Variants in CRYBG3 observed in about 807,000 individuals in gnomAD.
CRYBG3 encodes very large A-kinase anchor protein.
In CRYBG3, 127 loss-of-function variants were observed where a neutral mutation model predicts 244.2. That is an observed-to-expected ratio of 0.52 (90% CI 0.45 to 0.60). CRYBG3 has a LOEUF of 0.60. Among genes scored for constraint, CRYBG3 ranks in the 20% least tolerant of loss-of-function variants. The pLI is 0.00. For synonymous variants in CRYBG3, 1,132 were observed against 1,195.8 expected (o/e 0.95, Z 1.10); for missense variants, 3,325 against 3,442.5 (o/e 0.97, Z 0.85).
Position 97,863,136 on chromosome 3 carries a change from T to C in CRYBG3, c.217-1081T>C, listed in dbSNP as rs149867479. Among the ~76,000 whole-genome samples, 278 of 152,292 alleles carry C rather than the reference T, an allele frequency of 1.8e-3. 1 individual carries two copies. Among genetic ancestry groups the C allele is most frequent in the Middle Eastern group, 6.8e-3 (2 of 294 alleles). ...AACCTAAAGTGCCCTAAGGTGGTTT[T>C]GCCTTGGTGTCCTGATTGTTTTCTG... On this transcript the variant is annotated intron_variant, in intron 2 of 21. Coordinates refer to ENST00000389622, the MANE Select transcript of CRYBG3 (RefSeq NM_153605.4).
At chr3:97,868,539 T>C (rs1158949486) in intron 3 of CRYBG3, among the ~76,000 whole-genome samples, 5 of 152,184 alleles carry the variant, frequency 3.3e-5, no homozygotes, top group Admixed American at 1.3e-4. Flanking sequence ...ATTACAAGTA[T>C]ATAATATTTC....
At chr3:97,918,613 T>A (rs527750814) in intron 17 of CRYBG3, among the ~76,000 whole-genome samples, 3 of 152,192 alleles carry the variant, frequency 2.0e-5, no homozygotes, top group Non-Finnish European at 4.4e-5. Context: ...AATAATATCA[T>A]GTATTAGCTT....
intron 1 of CRYBG3, among the ~76,000 whole-genome samples, chr3:97,836,528 G>C (rs1384538982): frequency 6.6e-6 from 1 of 152,118 alleles, no homozygotes; most frequent in Non-Finnish European, 1.5e-5. Flanking sequence ...TGGGACTCCA[G>C]GCCAGTGCAC....
Position 97,877,960 on chromosome 3 carries a change from G to C in CRYBG3, c.6766G>C (p.Gly2256Arg), listed in dbSNP as rs1261472063. The C allele has an allele frequency of 3.7e-6, 6 of 1,614,090 alleles. No individual in the cohort carries two copies. Among genetic ancestry groups the C allele is most frequent in the Non-Finnish European group, 5.1e-6 (6 of 1,179,996 alleles). The change falls in exon 4 of 22, where the codon GGT (glycine) becomes CGT (arginine). Residue 2256 changes from glycine (G) to arginine (R), a missense_variant. This residue lies in a region of CRYBG3 where 450 missense variants were observed against 424.1 expected (regional missense o/e 1.06). Coordinates refer to ENST00000389622, the MANE Select transcript of CRYBG3 (RefSeq NM_153605.4). ...TTCCTCAGAAAAAGGAGCCAGATTT[G>C]GTGGAATTTTTCAGGAACCAGTGTC... ...SHSSEKGARF[G>R]GIFQEPVSKY...
In CRYBG3 at chr3:97,877,724, A is replaced by G; in HGVS notation, c.6530A>G (p.Asp2177Gly). 1 of 1,614,076 alleles carries G rather than the reference A, an allele frequency of 6.2e-7. No homozygotes were observed. ...GAGCGTGTTACCTTCCAGTTGCCAG[A>G]TCCTTCCATCACATTTTACCCTGAT... is the stretch of plus-strand genomic sequence containing the variant. Reference protein sequence around the residue: ...SGERVTFQLPDPSITFYPDDQ... With the variant: ...SGERVTFQLPGPSITFYPDDQ... Residue 2177 changes from aspartate to glycine, a missense_variant, in exon 4 of 22, where the codon GAT becomes GGT. Physicochemically the swap from Asp to Gly is moderately conservative, Grantham distance 94. Coordinates refer to ENST00000389622, the MANE Select transcript of CRYBG3 (RefSeq NM_153605.4).
intron 2 of CRYBG3, among the ~76,000 whole-genome samples, chr3:97,850,239 T>C (rs2038965069): frequency 6.6e-6 from 1 of 152,164 alleles, no homozygotes; most frequent in African/African-American, 2.4e-5. Context: ...CGCATACCCA[T>C]TGATACTATA....
intron 1 of CRYBG3, among the ~76,000 whole-genome samples, chr3:97,840,188 G>T (rs1007251951): frequency 6.6e-6 from 1 of 151,994 alleles, no homozygotes; most frequent in African/African-American, 2.4e-5. Flanking sequence ...AAACTTTTGT[G>T]TATTCTAGTA....
Position 97,867,611 on chromosome 3 carries a change from A to G in CRYBG3, c.647+2964A>G, listed in dbSNP as rs2039250252. Among the ~76,000 whole-genome samples, 3 of 152,326 alleles carry G rather than the reference A, an allele frequency of 2.0e-5. No individual in the cohort carries two copies. The South Asian group carries it at 6.2e-4, about 32-fold the overall frequency. Reference sequence around the variant, plus strand: ...AAACCTTTTCAGATTTTCAATATGTATGCCTACTTCCTTAAATATTTGAAA... The same window carrying G: ...AAACCTTTTCAGATTTTCAATATGTGTGCCTACTTCCTTAAATATTTGAAA... On this transcript the variant is annotated intron_variant, in intron 3 of 21. Coordinates refer to ENST00000389622, the MANE Select transcript of CRYBG3 (RefSeq NM_153605.4).
chr3:97,822,170 C>A lies in CRYBG3; in HGVS notation c.-37C>A. On this transcript the variant is annotated 5_prime_UTR_variant, in exon 1 of 22. Coordinates refer to ENST00000389622, the MANE Select transcript of CRYBG3 (RefSeq NM_153605.4). ...GCACCAGGCAACACCTAGGCCGTTC[C>A]CTTCAGACAGCCCCGGGCCAGCGGC... 6.7e-7 allele frequency: 1 copy of A among 1,486,868 alleles called. No individual in the cohort carries two copies. Among genetic ancestry groups the A allele is most frequent in the Non-Finnish European group, 8.9e-7 (1 of 1,122,878 alleles). The allele number at this position is 1,486,868 out of a possible 1,614,324, so 92.1% of individuals were successfully genotyped here. A position where few individuals can be genotyped will look rare whatever the true frequency, so the allele number is the denominator to read the frequency against.
In CRYBG3 at chr3:97,874,884, A is replaced by G. The variant is rs993940511; in HGVS notation, c.3690A>G (p.Ile1230Met). The change falls in exon 4 of 22, where the codon ATA (isoleucine) becomes ATG (methionine). Residue 1230 changes from isoleucine (I) to methionine (M), a missense_variant. Physicochemically the swap from Ile to Met is conservative, Grantham distance 10. Coordinates refer to ENST00000389622, the MANE Select transcript of CRYBG3 (RefSeq NM_153605.4). The part of the protein sequence containing the change: ...TVSTCQEHIA[I>M]EGIMNLGTLK... ...GTACCTGCCAGGAGCATATAGCCAT[A>G]GAAGGTATAATGAATCTGGGTACCC... 25 of 1,535,176 alleles carry G rather than the reference A, an allele frequency of 1.6e-5. No individual in the cohort carries two copies. Among genetic ancestry groups the G allele is most frequent in the Middle Eastern group, 1.7e-4 (1 of 6,002 alleles).
rs747175867 is a variant in CRYBG3, at chr3:97,880,044, T to G, written c.6948T>G (p.Pro2316=). The G allele has an allele frequency of 3.1e-6, 5 of 1,604,448 alleles. No individual in the cohort carries two copies. The highest frequency in any genetic ancestry group is 8.5e-7 in the Non-Finnish European group (1 of 1,173,516). Residue 2316 remains proline, a synonymous_variant, in exon 6 of 22, where the codon CCT becomes CCG. Transcript: ENST00000389622. ...AACAAGAAGTCTACTGTAATATTCCTGATGCTACATCATGGTCTTTTCCAA... is the reference window on the plus strand; with the variant it reads ...AACAAGAAGTCTACTGTAATATTCCGGATGCTACATCATGGTCTTTTCCAA... ...TYKQEVYCNI[P]DATSWSFPNG...
intron 18 of CRYBG3, among the ~76,000 whole-genome samples, 164 bp downstream of exon 18, chr3:97,933,997 G>T (rs763608856): frequency 5.9e-5 from 9 of 152,120 alleles, no homozygotes; most frequent in Non-Finnish European, 2.9e-5. Context: ...GTGTCATAGA[G>T]TAGGTCAATC....
At chr3:97,833,458 A>G (rs922872516) in intron 1 of CRYBG3, among the ~76,000 whole-genome samples, 6 of 152,182 alleles carry the variant, frequency 3.9e-5, no homozygotes, top group African/African-American at 1.4e-4. Context: ...AAACTATCAC[A>G]AGAACAGAAA....
rs569969760 is a variant in CRYBG3, at chr3:97,825,896, C to T, written c.149+3541C>T. ...CAGGTTAAACTACCAGTGTTGACAA[C>T]AGCATCAGTTATGTGAGGAAAGGAA... On this transcript the variant is annotated intron_variant, in intron 1 of 21. Coordinates refer to ENST00000389622, the MANE Select transcript of CRYBG3 (RefSeq NM_153605.4). Among the ~76,000 whole-genome samples the T allele has an allele frequency of 1.1e-4, 16 of 152,320 alleles. 1 individual carries two copies. In the South Asian group the frequency reaches 3.1e-3, roughly 30 times the overall value.
At chr3:97,822,440 G>A in intron 1 of CRYBG3, 85 bp downstream of exon 1, 1 of 1,272,844 alleles carries the variant, frequency 7.9e-7, no homozygotes, top group Non-Finnish European at 1.0e-6. Context: ...GCAGCGGGCC[G>A]CTCTTGGGCC....
rs1455470581 is a variant in CRYBG3, at chr3:97,909,108, G to A, written c.8005-3059G>A. On this transcript the variant is annotated intron_variant, in intron 15 of 21. Coordinates refer to ENST00000389622, the MANE Select transcript of CRYBG3 (RefSeq NM_153605.4). ...CCCTCTGGCTTGTAGGGTTTCTGCC[G>A]AGAGATCCTCTGTTAGTCTGATGGG... 3.3e-5 allele frequency among the ~76,000 whole-genome samples: 5 copies of A among 152,286 alleles called. No homozygotes were observed. The East Asian group carries it at 7.7e-4, about 24-fold the overall frequency.
chr3:97,900,573 T>G, intron 15 of CRYBG3, 88 bp downstream of exon 15: 2 of 827,958 alleles, frequency 2.4e-6, no homozygotes, highest in Non-Finnish European at 4.0e-6. Flanking sequence ...TTTCTGCAGA[T>G]AACTTTTATG....
In CRYBG3 at chr3:97,875,428, G is replaced by T. The variant is rs1312947938; in HGVS notation, c.4234G>T (p.Gly1412Ter). Residue 1412 changes from glycine to a stop codon, truncating the protein, a stop_gained, in exon 4 of 22, where the codon GGA becomes TGA. Transcript: ENST00000389622. LOFTEE classifies it high-confidence loss of function. The stretch of plus-strand genomic sequence containing the variant: ...ATCCCTATTTTCTGGAAATGGATCT[G>T]GACTGTCTGATAGTATAAATTTGCA... Reference protein sequence around the residue: ...QKSLFSGNGSGLSDSINLQES... With the variant: ...QKSLFSGNGS 3 of 1,394,076 alleles carry T rather than the reference G, an allele frequency of 2.2e-6. No homozygotes were observed. Among genetic ancestry groups the T allele is most frequent in the African/African-American group, 2.9e-5 (2 of 68,092 alleles). 86.4% of individuals were successfully genotyped at this position (1,394,076 alleles called of 1,614,324 possible). A position where few individuals can be genotyped will look rare whatever the true frequency, so the allele number is the denominator to read the frequency against.
chr3:97,849,344 G>T (rs1345212306), intron 2 of CRYBG3, among the ~76,000 whole-genome samples: 1 of 152,046 alleles, frequency 6.6e-6, no homozygotes, highest in East Asian at 1.9e-4. Context: ...TTGAAATATT[G>T]ATTCTGCATA....
Sources: gnomAD v4.1 joint callset for allele counts (sites outside exome capture counted in the v4.1 genomes callset) on GRCh38, gnomAD v4.1.1 for gene constraint, gnomAD v4.1.1 regional missense constraint, MANE v1.5 for transcripts, NCBI Gene and HGNC (gene_info 2026-07-23, HGNC 2026-07-21) for gene names.